Variants in ADAM9 observed in about 807,000 individuals in gnomAD.
ADAM9 encodes disintegrin and metalloproteinase domain-containing protein 9.
In ADAM9, 54 loss-of-function variants were observed where a neutral mutation model predicts 108.1. The ratio of observed to expected loss-of-function variants is 0.50; its 90% confidence interval spans 0.40 to 0.63. ADAM9 has a LOEUF of 0.63. Among genes scored for constraint, ADAM9 ranks in the 20% least tolerant of loss-of-function variants. ADAM9 has a pLI of 0.00. For missense variants in ADAM9, 830 were observed against 997.7 expected, an observed-to-expected ratio of 0.83 and a Z score of 2.26; for synonymous variants, 316 against 336.0, an observed-to-expected ratio of 0.94 and a Z score of 0.65.
intron 11 of ADAM9, among the ~76,000 whole-genome samples, chr8:39,034,017 ATCT>A (rs1196622890): frequency 6.6e-6 from 1 of 152,120 alleles, no homozygotes; most frequent in Non-Finnish European, 1.5e-5. Context: ...CAACAACAAA[ATCT>A]TCTGTGTTAT....
chr8:39,015,880 T>C (rs1836509189), intron 4 of ADAM9: 5 of 501,164 alleles, frequency 1.0e-5, no homozygotes, highest in Non-Finnish European at 1.8e-5. Context: ...CAGAGCTGTT[T>C]GTACCTTGTA....
At chr8:39,022,118 G>GT (rs1836765837) in intron 8 of ADAM9, among the ~76,000 whole-genome samples, 1 of 151,668 alleles carries the variant, frequency 6.6e-6, no homozygotes, top group African/African-American at 2.4e-5. Context: ...GAGAGAGAGA[G>GT]AGAAAGAGAG....
intron 18 of ADAM9, among the ~76,000 whole-genome samples, chr8:39,087,897 G>C (rs1392279729): frequency 6.6e-6 from 1 of 152,164 alleles, no homozygotes; most frequent in Non-Finnish European, 1.5e-5. Context: ...ATAGTCTGCT[G>C]TTGACTGGAA....
At chr8:39,096,096 T>A (rs141756696) in intron 20 of ADAM9, among the ~76,000 whole-genome samples, 2,008 of 149,526 alleles carry the variant, frequency 0.013, 88 homozygotes, top group Admixed American at 0.026. Context: ...CAATTATGGA[T>A]ACATAATAGT....
At chr8:39,034,913 T>C (rs1440704173) in intron 11 of ADAM9, among the ~76,000 whole-genome samples, 1 of 152,234 alleles carries the variant, frequency 6.6e-6, no homozygotes, top group East Asian at 1.9e-4. Context: ...TTTACACATA[T>C]ATGTCTTCAT....
chr8:39,098,629 ATTGT>A (rs1274851980), intron 20 of ADAM9, among the ~76,000 whole-genome samples: 1 of 151,936 alleles, frequency 6.6e-6, no homozygotes, highest in African/African-American at 2.4e-5. Context: ...GTTATTTGTG[ATTGT>A]TTGTTATAGT....
intron 11 of ADAM9, among the ~76,000 whole-genome samples, chr8:39,040,394 A>G (rs1837423503): frequency 6.6e-6 from 1 of 152,078 alleles, no homozygotes; most frequent in South Asian, 2.1e-4. Context: ...GTGAGGTGGT[A>G]TTTCATTGTG....
chr8:39,035,196 T>A (rs561437064), intron 11 of ADAM9, among the ~76,000 whole-genome samples: 38 of 152,356 alleles, frequency 2.5e-4, no homozygotes, highest in Admixed American at 1.8e-3. Flanking sequence ...ACTGATTCTG[T>A]CTTCATATGT....
At chr8:39,073,277 T>A (rs1180007800) in intron 15 of ADAM9, among the ~76,000 whole-genome samples, 1 of 152,236 alleles carries the variant, frequency 6.6e-6, no homozygotes, top group Admixed American at 6.5e-5. Flanking sequence ...TCTCCAGTTA[T>A]GATTGTGGAT....
intron 1 of ADAM9, among the ~76,000 whole-genome samples, chr8:39,004,684 C>T (rs767841189): frequency 6.6e-6 from 1 of 152,088 alleles, no homozygotes; most frequent in East Asian, 1.9e-4. Flanking sequence ...TGGTTATATG[C>T]CAAACAAGGG....
At chr8:39,074,204 CA>C (rs1396470405) in intron 15 of ADAM9, among the ~76,000 whole-genome samples, 1 of 152,180 alleles carries the variant, frequency 6.6e-6, no homozygotes, top group Non-Finnish European at 1.5e-5. Context: ...AAAGGATTCA[CA>C]TATGGTCCTA....
At chr8:39,072,520 C>T (rs970549034) in intron 15 of ADAM9, among the ~76,000 whole-genome samples, 13 of 152,024 alleles carry the variant, frequency 8.6e-5, no homozygotes, top group Admixed American at 1.3e-4. Flanking sequence ...GTAGGGTGTT[C>T]TTCTTCTCCC....
At chr8:38,997,749 A>G (rs150858207) in intron 1 of ADAM9, among the ~76,000 whole-genome samples, 115 of 152,356 alleles carry the variant, frequency 7.5e-4, no homozygotes, top group Admixed American at 2.0e-3. Context: ...TTTTTGTAGT[A>G]AGAATATTTT....
At chr8:39,040,349 G>A (rs1434878923) in intron 11 of ADAM9, among the ~76,000 whole-genome samples, 2 of 152,062 alleles carry the variant, frequency 1.3e-5, no homozygotes, top group Non-Finnish European at 2.9e-5. Flanking sequence ...ATACCTGGCC[G>A]TTATCTCTTT....
chr8:39,068,772 A>T (rs1344224946), intron 14 of ADAM9, among the ~76,000 whole-genome samples: 1 of 143,200 alleles, frequency 7.0e-6, no homozygotes, highest in Non-Finnish European at 1.5e-5. Flanking sequence ...TAAGGCTGGG[A>T]CCTCAGTATG....
At chr8:39,096,077 T>TA (rs11419069) in intron 20 of ADAM9, among the ~76,000 whole-genome samples, 54,373 of 143,050 alleles carry the variant, frequency 0.38, 12,289 homozygotes, top group East Asian at 0.71. Context: ...TCTTTTTAAT[T>TA]AAAAAAATCA....
intron 3 of ADAM9, among the ~76,000 whole-genome samples, chr8:39,013,097 G>C (rs1436226498): frequency 6.6e-6 from 1 of 152,106 alleles, no homozygotes; most frequent in Non-Finnish European, 1.5e-5. Flanking sequence ...CTCCAGTCCT[G>C]CTGCAAGAGA....
At chr8:39,081,385 T>C (rs1446171864) in intron 16 of ADAM9, among the ~76,000 whole-genome samples, 1 of 152,244 alleles carries the variant, frequency 6.6e-6, no homozygotes, top group Non-Finnish European at 1.5e-5. Context: ...CTGCCAGTTA[T>C]TAACACATTT....
At position 39,101,942 on chromosome 8, in the gene ADAM9, A is replaced by AT. The variant is rs750603813; in HGVS notation, c.2366+15dup. The AT allele has an allele frequency of 5.0e-6, 8 of 1,609,288 alleles. No individual in the cohort carries two copies. Among genetic ancestry groups the AT allele is most frequent in the Non-Finnish European group, 6.8e-6 (8 of 1,175,708 alleles). On this transcript the variant is annotated intron_variant, in intron 21 of 21. Transcript: ENST00000487273. ...CAGTTCCCATCAAGGTCAGAAGAAA[A>AT]TTTGCTTAGATTTTTTGGCCAGAAT...
Sources: gnomAD v4.1 joint callset for allele counts (sites outside exome capture counted in the v4.1 genomes callset) on GRCh38, gnomAD v4.1.1 for gene constraint, MANE v1.5 for transcripts, NCBI Gene and HGNC (gene_info 2026-07-23, HGNC 2026-07-21) for gene names.